MSRB3: variants seen among roughly 807,000 people sequenced by gnomAD.
MSRB3 encodes methionine sulfoxide reductase B3, also known as methionine-R-sulfoxide reductase B3.
MSRB3 carries 13 observed loss-of-function variants against 21.0 expected under a neutral mutation model. The observed-to-expected ratio is 0.62, with a 90% confidence interval of 0.40 to 0.98. MSRB3 has a LOEUF of 0.98. Among genes scored for constraint, MSRB3 ranks in the 50% least tolerant of loss-of-function variants. The probability of loss-of-function intolerance (pLI) is 0.00; values close to 1 mark genes in which losing one functional copy is unlikely to be tolerated. For missense variants in MSRB3, 199 were observed against 230.3 expected, an observed-to-expected ratio of 0.86 and a Z score of 0.88; for synonymous variants, 87 against 88.6, an observed-to-expected ratio of 0.98 and a Z score of 0.10.
intron 5 of MSRB3, among the ~76,000 whole-genome samples, chr12:65,421,575 T>C (rs1881298694): frequency 6.6e-6 from 1 of 152,246 alleles, no homozygotes; most frequent in African/African-American, 2.4e-5. Flanking sequence ...TACGTTGTCT[T>C]GCAGGGTTTT....
chr12:65,445,509 A>G (rs1882572430), intron 5 of MSRB3, among the ~76,000 whole-genome samples: 1 of 151,372 alleles, frequency 6.6e-6, no homozygotes, highest in Admixed American at 6.6e-5. Flanking sequence ...ACTGGTAACC[A>G]AAATAAAGTT....
At position 65,296,841 on chromosome 12, in the gene MSRB3, A is replaced by AGT. The variant is rs1307188660; in HGVS notation, c.-51-11687_-51-11686dup. ...CAAACTGCAATAATAGAGATCCTGAAGTAGGAAGTAGTGTGGAGGAAGAAC... is the reference window on the plus strand; with the variant it reads ...CAAACTGCAATAATAGAGATCCTGAAGTGTAGGAAGTAGTGTGGAGGAAGAAC... On this transcript the variant is annotated intron_variant, in intron 1 of 6. Coordinates refer to ENST00000308259, the MANE Select transcript of MSRB3 (RefSeq NM_001031679.3). Among the ~76,000 whole-genome samples the AGT allele has an allele frequency of 2.0e-5, 3 of 152,234 alleles. No homozygotes were observed. In the East Asian group the frequency reaches 5.8e-4, roughly 29 times the overall value.
At chr12:65,386,400 G>T (rs983252883) in intron 5 of MSRB3, among the ~76,000 whole-genome samples, 6 of 151,854 alleles carry the variant, frequency 4.0e-5, no homozygotes, top group African/African-American at 9.7e-5. Flanking sequence ...TCTTTATGTT[G>T]CTTCCATTAA....
At chr12:65,350,801 G>A (rs1402461196) in intron 4 of MSRB3, among the ~76,000 whole-genome samples, 217 of 142,012 alleles carry the variant, frequency 1.5e-3, no homozygotes, top group African/African-American at 5.6e-3. Context: ...GGAGCACCCA[G>A]ATTCATAAAG....
intron 5 of MSRB3, among the ~76,000 whole-genome samples, chr12:65,389,121 T>G (rs1056165268): frequency 3.9e-5 from 6 of 152,186 alleles, no homozygotes; most frequent in Admixed American, 3.9e-4. Context: ...CAGCAAAATG[T>G]GCTCTGCAGA....
At chr12:65,384,379 C>T (rs1224904963) in intron 5 of MSRB3, among the ~76,000 whole-genome samples, 1 of 152,104 alleles carries the variant, frequency 6.6e-6, no homozygotes, top group Non-Finnish European at 1.5e-5. Context: ...CTGTTATCTA[C>T]ATTTGTTACT....
chr12:65,325,501 T>C (rs1874962382), intron 2 of MSRB3, among the ~76,000 whole-genome samples: 1 of 151,948 alleles, frequency 6.6e-6, no homozygotes. Context: ...AATCAACCGC[T>C]CTATCTTGGT....
intron 5 of MSRB3, among the ~76,000 whole-genome samples, chr12:65,376,464 C>G (rs535222115): frequency 6.6e-6 from 1 of 152,318 alleles, no homozygotes; most frequent in African/African-American, 2.4e-5. Flanking sequence ...TCCACATACT[C>G]CATAAGTCTG....
rs564195318 is a variant in MSRB3 at position 65,289,220 on chromosome 12, C to T, written c.-52+10355C>T. On this transcript the variant is annotated intron_variant, in intron 1 of 6. Coordinates refer to ENST00000308259, the MANE Select transcript of MSRB3 (RefSeq NM_001031679.3). ...CATTATATAAATGTTATTGGCCGGG[C>T]GTGGTGGCTCACGCCTGTATTCCCA... Among the ~76,000 whole-genome samples the T allele has an allele frequency of 1.1e-4, 16 of 152,308 alleles. 1 individual carries two copies. In the South Asian group the frequency reaches 1.7e-3, roughly 16 times the overall value.
At chr12:65,372,319 A>G (rs748836352) in intron 5 of MSRB3, among the ~76,000 whole-genome samples, 18 of 152,348 alleles carry the variant, frequency 1.2e-4, no homozygotes, top group African/African-American at 4.1e-4. Context: ...GAAATTTTCT[A>G]TTCTCAAAAT....
intron 4 of MSRB3, among the ~76,000 whole-genome samples, chr12:65,353,129 A>C (rs1302468642): frequency 1.3e-5 from 2 of 152,132 alleles, no homozygotes; most frequent in African/African-American, 4.8e-5. Flanking sequence ...TTTGGTGAGG[A>C]GTGCTTTGCT....
At chr12:65,393,883 A>G (rs1420548765) in intron 5 of MSRB3, among the ~76,000 whole-genome samples, 1 of 152,142 alleles carries the variant, frequency 6.6e-6, no homozygotes, top group African/African-American at 2.4e-5. Flanking sequence ...TTTTTAATAA[A>G]AATGAATTTA....
At chr12:65,396,294 C>A (rs147571165) in intron 5 of MSRB3, among the ~76,000 whole-genome samples, 42 of 152,320 alleles carry the variant, frequency 2.8e-4, no homozygotes, top group African/African-American at 9.4e-4. Context: ...AATCTCCAAG[C>A]ATTTTCTGAT....
intron 5 of MSRB3, among the ~76,000 whole-genome samples, chr12:65,404,959 C>CTTT (rs762041398): frequency 1.4e-5 from 2 of 142,350 alleles, no homozygotes; most frequent in Non-Finnish European, 3.1e-5. Context: ...TTCTACTCAA[C>CTTT]TTTTTTTTTT....
intron 3 of MSRB3, among the ~76,000 whole-genome samples, chr12:65,327,534 G>C (rs1365434908): frequency 6.6e-6 from 1 of 152,222 alleles, no homozygotes; most frequent in Non-Finnish European, 1.5e-5. Flanking sequence ...ACTGTTTTTA[G>C]TGAATAAAGC....
At chr12:65,445,585 C>T (rs1054806031) in intron 5 of MSRB3, among the ~76,000 whole-genome samples, 9 of 151,140 alleles carry the variant, frequency 6.0e-5, no homozygotes, top group African/African-American at 1.9e-4. Flanking sequence ...TTTTTAGAGT[C>T]TATAGGTTTA....
rs1883502392 is a variant in MSRB3 at position 65,465,004 on chromosome 12, A to T, written c.*1682A>T. The T allele has an allele frequency of 6.6e-6, 1 of 152,248 alleles. No homozygotes were observed. The highest frequency in any genetic ancestry group is 1.9e-4 in the East Asian group (1 of 5,200). The allele number at this position is 152,248 out of a possible 1,614,324, so 9.4% of individuals were successfully genotyped here. ...ACTATATTGCTATACAGTTGAGATC[A>T]GTGTTGTAAAATTAAACTGATCTGG... On this transcript the variant is annotated 3_prime_UTR_variant, in exon 7 of 7. Transcript: ENST00000308259.
intron 1 of MSRB3, chr12:65,279,621 G>C (rs894498186): frequency 1.8e-4 from 27 of 152,232 alleles, no homozygotes; most frequent in African/African-American, 5.3e-4. Context: ...GAAAAGTGCT[G>C]TTCCTGCCTT....
chr12:65,369,022 T>A lies in MSRB3; in HGVS notation c.288T>A (p.Gly96=), dbSNP rs1878175853. 3.9e-6 allele frequency: 6 copies of A among 1,546,504 alleles called. No individual in the cohort carries two copies. The highest frequency in any genetic ancestry group is 5.3e-6 in the Non-Finnish European group (6 of 1,132,590). The change falls in exon 5 of 7, where the codon GGT becomes GGA. Residue 96 remains glycine (G), a synonymous_variant. Coordinates refer to ENST00000308259, the MANE Select transcript of MSRB3 (RefSeq NM_001031679.3). ...LFKSETKFDS[G]SGWPSFHDVI... ...GGTCAGAAACCAAATTTGACTCCGGTTCAGGTATGTTTACATTAATAATGC... is the reference window on the plus strand; with the variant it reads ...GGTCAGAAACCAAATTTGACTCCGGATCAGGTATGTTTACATTAATAATGC...
Sources: allele counts gnomAD v4.1 joint callset (sites outside exome capture counted in the v4.1 genomes callset), GRCh38; gene constraint gnomAD v4.1.1; transcripts MANE v1.5; gene names NCBI Gene and HGNC (gene_info 2026-07-23, HGNC 2026-07-21).